The following KCNT1 variants were observed in gnomAD, a reference collection of about 807,000 sequenced individuals.
The protein encoded by KCNT1 is potassium channel subfamily T member 1.
A neutral mutation model predicts 147.8 loss-of-function variants in KCNT1; 78 were observed. The ratio of observed to expected loss-of-function variants is 0.53; its 90% CI spans 0.44 to 0.64. The LOEUF (loss-of-function observed/expected upper bound fraction) is 0.64. Ranked by LOEUF, KCNT1 falls within the 30% of genes least tolerant of loss-of-function variation. KCNT1 has a pLI of 0.00. For missense variants in KCNT1, 1,419 were observed against 1,750.3 expected (o/e 0.81, Z 3.38); for synonymous variants, 867 against 748.8 (o/e 1.16, Z -2.58).
chr9:135,703,356 T>C (rs971306705), intron 1 of KCNT1, among the ~76,000 whole-genome samples: 1 of 152,218 alleles, frequency 6.6e-6, no homozygotes, highest in East Asian at 1.9e-4. Context: ...GTTTGTTCTA[T>C]GGGACTCAGT....
chr9:135,720,486 C>T (rs572286384), intron 2 of KCNT1, among the ~76,000 whole-genome samples: 1 of 152,126 alleles, frequency 6.6e-6, no homozygotes, highest in East Asian at 1.9e-4. Flanking sequence ...AAGTGCCCTC[C>T]TCCTGCCCAG....
intron 10 of KCNT1, 82 bp downstream of exon 10, chr9:135,758,590 A>C (rs1311197556): frequency 8.9e-7 from 1 of 1,120,272 alleles, no homozygotes; most frequent in Non-Finnish European, 1.3e-6. Context: ...GGGGATACAG[A>C]TGCCTATGTC....
intron 2 of KCNT1, chr9:135,736,804 C>G (rs957610023): frequency 1.6e-5 from 6 of 373,292 alleles, no homozygotes; most frequent in Non-Finnish European, 2.4e-5. Context: ...GCGCGCGGGC[C>G]TGGGACCCCG....
chr9:135,718,625 A>T (rs1417558880), intron 2 of KCNT1, among the ~76,000 whole-genome samples: 1 of 152,214 alleles, frequency 6.6e-6, no homozygotes, highest in Non-Finnish European at 1.5e-5. Flanking sequence ...CCCAACCATC[A>T]GCACAGGGCA....
chr9:135,718,701 A>G (rs1398052970), intron 2 of KCNT1, among the ~76,000 whole-genome samples: 1 of 152,192 alleles, frequency 6.6e-6, no homozygotes, highest in African/African-American at 2.4e-5. Flanking sequence ...ACCCTGGGGC[A>G]GGCTCTGTGA....
rs1250888770 is a variant in KCNT1 at position 135,755,188 on chromosome 9, C to T, written c.540+19C>T. 6.2e-7 allele frequency: 1 copy of T among 1,601,642 alleles called. No individual in the cohort carries two copies. Among genetic ancestry groups the T allele is most frequent in the South Asian group, 1.1e-5 (1 of 89,142 alleles). ...GATCCAGGTGAGTGCCCTACCCTGCCCCCCTCCCGACTGCAGTGGTGCTCA... is the reference window on the plus strand; with the variant it reads ...GATCCAGGTGAGTGCCCTACCCTGCTCCCCTCCCGACTGCAGTGGTGCTCA... On this transcript the variant is annotated intron_variant, in intron 6 of 30. Coordinates refer to ENST00000371757, the MANE Select transcript of KCNT1 (RefSeq NM_020822.3).
intron 11 of KCNT1, among the ~76,000 whole-genome samples, chr9:135,761,828 T>A (rs1831931504): frequency 6.6e-6 from 1 of 152,044 alleles, no homozygotes; most frequent in South Asian, 2.1e-4. Flanking sequence ...CGTCCCCCTT[T>A]CCCCTGTGGG....
intron 2 of KCNT1, among the ~76,000 whole-genome samples, chr9:135,744,881 C>G (rs1830740534): frequency 6.6e-6 from 1 of 152,248 alleles, no homozygotes; most frequent in African/African-American, 2.4e-5. Flanking sequence ...GCGTCTTGCT[C>G]CTGGGCTGTA....
chr9:135,791,683 C>T, intron 29 of KCNT1, 114 bp from the exon 30 acceptor site: 1 of 892,346 alleles, frequency 1.1e-6, no homozygotes, highest in South Asian at 1.5e-5. Flanking sequence ...GCAGAATGGT[C>T]AGGAAGGCCG....
intron 2 of KCNT1, among the ~76,000 whole-genome samples, chr9:135,732,722 G>A (rs1032652351): frequency 4.0e-5 from 6 of 151,514 alleles, no homozygotes; most frequent in South Asian, 2.1e-4. Flanking sequence ...ATTGTTGGCC[G>A]GGTTCTTTGT....
At chr9:135,746,805 C>T (rs377322436) in intron 2 of KCNT1, among the ~76,000 whole-genome samples, 3 of 152,052 alleles carry the variant, frequency 2.0e-5, no homozygotes, top group Non-Finnish European at 4.4e-5. Context: ...TGGGCACCCC[C>T]GCCTAGGAGG....
chr9:135,724,456 G>A (rs906870757), intron 2 of KCNT1, among the ~76,000 whole-genome samples: 2 of 152,274 alleles, frequency 1.3e-5, no homozygotes, highest in Non-Finnish European at 2.9e-5. Context: ...GCAGGATCCA[G>A]GCAGGCCAGT....
In KCNT1 at chr9:135,757,158, C is replaced by A. The variant is rs1435569390; in HGVS notation, c.603C>A (p.Gly201=). ...TMLLIYLSYK[G]NIWEQIFRVS... The stretch of plus-strand genomic sequence containing the variant: ...TGATACCCCCCGTTTGGCCCCAGGG[C>A]AACATCTGGGAGCAGATCTTCCGCG... The change falls in exon 8 of 31, where the codon GGC becomes GGA. Residue 201 remains glycine, a splice_region_variant and synonymous_variant. Coordinates refer to ENST00000371757, the MANE Select transcript of KCNT1 (RefSeq NM_020822.3). 7.3e-7 allele frequency: 1 copy of A among 1,375,152 alleles called. No homozygotes were observed. The allele number at this position is 1,375,152 out of a possible 1,614,324, so 85.2% of individuals were successfully genotyped here.
chr9:135,765,834 A>G (rs931529173), intron 13 of KCNT1, 74 bp downstream of exon 13: 4 of 1,388,104 alleles, frequency 2.9e-6, no homozygotes, highest in African/African-American at 2.8e-5. Flanking sequence ...GGGCTGAGGC[A>G]TTGACCGTCG....
intron 2 of KCNT1, among the ~76,000 whole-genome samples, chr9:135,746,196 T>C (rs1224749730): frequency 1.3e-5 from 2 of 152,202 alleles, no homozygotes; most frequent in Non-Finnish European, 2.9e-5. Flanking sequence ...CATCGCAGGC[T>C]CCAGTTTCTC....
intron 17 of KCNT1, 70 bp downstream of exon 17, chr9:135,770,517 C>A: frequency 2.0e-6 from 3 of 1,526,590 alleles, no homozygotes; most frequent in Non-Finnish European, 1.8e-6. Context: ...CCCACCCTCC[C>A]GGTCAGGCAC....
rs143609496 is a variant in KCNT1, at chr9:135,770,741, C to G, written c.1770-116C>G. 2.7e-5 allele frequency: 29 copies of G among 1,066,100 alleles called. 1 individual carries two copies. The African/African-American group carries it at 3.8e-4, about 14-fold the overall frequency. 66.0% of individuals were successfully genotyped at this position (1,066,100 alleles called of 1,614,324 possible). ...AAGGTCCCTGACCCCAAATGGCCCC[C>G]AGGAGGAAGACGCGGAGCTCCGGTG... On this transcript the variant is annotated intron_variant, in intron 17 of 30. Coordinates refer to ENST00000371757, the MANE Select transcript of KCNT1 (RefSeq NM_020822.3).
In KCNT1 at chr9:135,786,604, G is replaced by A. The variant is rs560732307; in HGVS notation, c.3502+83G>A. On this transcript the variant is annotated intron_variant, in intron 29 of 30. Coordinates refer to ENST00000371757, the MANE Select transcript of KCNT1 (RefSeq NM_020822.3). The stretch of plus-strand genomic sequence containing the variant: ...ACAGCCAAGAACAGTCGGCCACGGC[G>A]TCCCGGGGCCCGGGCCGTCCTCCTG... 230 of 1,318,686 alleles carry A rather than the reference G, an allele frequency of 1.7e-4. No homozygotes were observed. The African/African-American group carries it at 3.0e-3, about 17-fold the overall frequency. 81.7% of individuals were successfully genotyped at this position (1,318,686 alleles called of 1,614,324 possible).
intron 2 of KCNT1, among the ~76,000 whole-genome samples, chr9:135,718,286 G>C (rs1195847973): frequency 6.6e-6 from 1 of 152,244 alleles, no homozygotes; most frequent in Non-Finnish European, 1.5e-5. Context: ...TGTGAGGTGG[G>C]AGGACGTGCT....
Sources: gnomAD v4.1 joint callset for allele counts (sites outside exome capture counted in the v4.1 genomes callset) on GRCh38, gnomAD v4.1.1 for gene constraint, MANE v1.5 for transcripts, NCBI Gene and HGNC (gene_info 2026-07-23, HGNC 2026-07-21) for gene names.